Variants in USH2A observed in about 807,000 individuals in gnomAD.
The protein encoded by USH2A is usherin, also known as Usher syndrome 2A (autosomal recessive, mild).
In USH2A, 443 loss-of-function variants were observed where a neutral mutation model predicts 538.9. The ratio of observed to expected loss-of-function variants is 0.82; its 90% CI spans 0.76 to 0.89. The LOEUF (loss-of-function observed/expected upper bound fraction) is 0.89, where lower values mean the gene tolerates loss of function less well. USH2A is among the 40% of genes least tolerant of loss of function. The probability of loss-of-function intolerance (pLI) is 0.00; values close to 1 mark genes in which losing one functional copy is unlikely to be tolerated. For missense variants in USH2A, 6,633 were observed against 6,324.8 expected (o/e 1.05, Z -1.65); for synonymous variants, 2,413 against 2,273.5 (o/e 1.06, Z -1.75).
chr1:216,362,887 C>T (rs751930249), intron 4 of USH2A, among the ~76,000 whole-genome samples: 7 of 150,544 alleles, frequency 4.6e-5, no homozygotes, highest in Non-Finnish European at 8.9e-5. Context: ...TGCAGAGAGC[C>T]GAGATTGCAC....
intron 70 of USH2A, among the ~76,000 whole-genome samples, chr1:215,632,624 C>CCTAG (rs893479047): frequency 6.6e-6 from 1 of 152,064 alleles, no homozygotes; most frequent in Non-Finnish European, 1.5e-5. Context: ...AGTAGATGTG[C>CCTAG]CTAGCAGTGC....
At chr1:215,937,667 G>A (rs1666539660) in intron 37 of USH2A, among the ~76,000 whole-genome samples, 1 of 152,060 alleles carries the variant, frequency 6.6e-6, no homozygotes, top group Non-Finnish European at 1.5e-5. Context: ...TTTCAAAAAG[G>A]TCAGCTTGTC....
chr1:216,323,542 A>G lies in USH2A; in HGVS notation c.1482T>C (p.Tyr494=), dbSNP rs1015357632. 15 of 1,613,380 alleles carry G rather than the reference A, an allele frequency of 9.3e-6. No individual in the cohort carries two copies. In the Admixed American group the frequency reaches 1.2e-4, roughly 13 times the overall value. Residue 494 remains tyrosine (Y), a synonymous_variant, in exon 8 of 72, where the codon TAT becomes TAC. Transcript: ENST00000307340. ...TGAGGTTAACAGCAGTCTCAGTTGT[A>G]TAGTACTGCCCATGAAAATGAAACC... ...QIRFHFHGQY[Y]TTETAVNLRH...
At chr1:216,206,029 T>C (rs1382010940) in intron 16 of USH2A, among the ~76,000 whole-genome samples, 1 of 152,206 alleles carries the variant, frequency 6.6e-6, no homozygotes, top group African/African-American at 2.4e-5. Context: ...TTTATGTTGC[T>C]GTGTTCTATC....
intron 44 of USH2A, among the ~76,000 whole-genome samples, chr1:215,859,768 G>A (rs1295062489): frequency 1.3e-5 from 2 of 152,058 alleles, no homozygotes; most frequent in Admixed American, 1.3e-4. Context: ...CATAACAGAC[G>A]GGCTAGTTAA....
chr1:216,131,097 T>G lies in USH2A; in HGVS notation c.4628-33884A>C, dbSNP rs144346582. On this transcript the variant is annotated intron_variant, in intron 21 of 71. Transcript: ENST00000307340. Reference sequence around the variant, plus strand: ...TGTTTTTAATATGTCTGTTGGCCACTGTATATCCTCTTTTGAGATCTGTCT... The same window carrying G: ...TGTTTTTAATATGTCTGTTGGCCACGGTATATCCTCTTTTGAGATCTGTCT... Among the ~76,000 whole-genome samples, 18 of 152,250 alleles carry G rather than the reference T, an allele frequency of 1.2e-4. No homozygotes were observed. The East Asian group carries it at 3.1e-3, about 26-fold the overall frequency.
intron 64 of USH2A, among the ~76,000 whole-genome samples, chr1:215,661,096 A>AG (rs1249258409): frequency 1.3e-5 from 2 of 152,240 alleles, no homozygotes; most frequent in African/African-American, 4.8e-5. Context: ...AAAGCTGGCC[A>AG]GGTGATCCTC....
intron 11 of USH2A, among the ~76,000 whole-genome samples, chr1:216,267,122 G>T (rs537619477): frequency 1.3e-5 from 2 of 152,142 alleles, no homozygotes; most frequent in African/African-American, 4.8e-5. Flanking sequence ...AAAGGTAAGA[G>T]GAGGGCACAG....
intron 55 of USH2A, among the ~76,000 whole-genome samples, chr1:215,774,464 TAAATATAACAACAA>T (rs1333675963): frequency 6.6e-6 from 1 of 151,812 alleles, no homozygotes; most frequent in African/African-American, 2.4e-5. Context: ...ATATCTGGAA[TAAATATAACAACAA>T]AAATATAATA....
At chr1:216,226,392 C>G (rs942967758) in intron 14 of USH2A, among the ~76,000 whole-genome samples, 1 of 152,142 alleles carries the variant, frequency 6.6e-6, no homozygotes, top group Non-Finnish European at 1.5e-5. Flanking sequence ...CAGACATTTT[C>G]AAGAACATAC....
At position 215,640,859 on chromosome 1, in the gene USH2A, A is replaced by AG. The variant is rs1553249502; in HGVS notation, c.14792-126_14792-125insC. 241 of 1,073,572 alleles carry AG rather than the reference A, an allele frequency of 2.2e-4. No individual in the cohort carries two copies. The African/African-American group carries it at 3.6e-3, about 16-fold the overall frequency. 66.5% of individuals were successfully genotyped at this position (1,073,572 alleles called of 1,614,324 possible). On this transcript the variant is annotated intron_variant, in intron 67 of 71. Transcript: ENST00000307340. ...CCAATCCAAACAAAAAAAAAAAAAA[A>AG]AAAGAAAACCAACATTGCTAGAATC...
At chr1:216,327,065 A>G (rs2037748667) in intron 5 of USH2A, among the ~76,000 whole-genome samples, 2 of 152,192 alleles carry the variant, frequency 1.3e-5, no homozygotes, top group South Asian at 2.1e-4. Context: ...GCCTGAGTCT[A>G]TATAATTATT....
At chr1:216,059,743 T>C (rs746598498) in intron 30 of USH2A, among the ~76,000 whole-genome samples, 1 of 152,286 alleles carries the variant, frequency 6.6e-6, no homozygotes, top group Non-Finnish European at 1.5e-5. Flanking sequence ...TAATTGAGAA[T>C]TGGGTTTTGT....
intron 61 of USH2A, among the ~76,000 whole-genome samples, chr1:215,694,930 G>A (rs1472898286): frequency 6.6e-6 from 1 of 152,184 alleles, no homozygotes; most frequent in African/African-American, 2.4e-5. Context: ...TAAAACTTTA[G>A]CAGTCTTCCT....
chr1:215,753,774 C>T (rs1660697978), intron 58 of USH2A, among the ~76,000 whole-genome samples: 1 of 152,042 alleles, frequency 6.6e-6, no homozygotes. Context: ...AACAAACCTG[C>T]ACGTTGTGCA....
chr1:215,987,375 T>C (rs576126876), intron 35 of USH2A, among the ~76,000 whole-genome samples: 1 of 152,322 alleles, frequency 6.6e-6, no homozygotes, highest in South Asian at 2.1e-4. Flanking sequence ...GTCAAGGTCC[T>C]ACATAATAAG....
chr1:215,912,635 C>T (rs34849903), intron 38 of USH2A, among the ~76,000 whole-genome samples: 6,128 of 151,454 alleles, frequency 0.04, 134 homozygotes, highest in Middle Eastern at 0.068. Flanking sequence ...CTTTGAGTTA[C>T]GAACATTTCA....
intron 70 of USH2A, among the ~76,000 whole-genome samples, chr1:215,630,478 GTGTGTATATA>G (rs1213945926): frequency 2.0e-4 from 7 of 35,170 alleles, no homozygotes; most frequent in East Asian, 6.7e-4. Context: ...GTGTATGTGT[GTGTGTATATA>G]TATATATATA....
chr1:215,934,701 A>G lies in USH2A; in HGVS notation c.7215T>C (p.Phe2405=). 1 of 1,612,850 alleles carries G rather than the reference A, an allele frequency of 6.2e-7. No homozygotes were observed. The highest frequency in any genetic ancestry group is 2.2e-5 in the East Asian group (1 of 44,818). Residue 2405 remains phenylalanine (F), a synonymous_variant, in exon 38 of 72, where the codon TTT becomes TTC. Coordinates refer to ENST00000307340, the MANE Select transcript of USH2A (RefSeq NM_206933.4). ...TATTCACTTGTACAGTATAGTTGGT[A>G]AAAGGAACCAGCCCATCGATGAGCA... ...LWVLIDGLVP[F]TNYTVQVNIS... is the part of the protein sequence containing the mutation.
Sources: gnomAD v4.1 joint callset for allele counts (sites outside exome capture counted in the v4.1 genomes callset) on GRCh38, gnomAD v4.1.1 for gene constraint, MANE v1.5 for transcripts, NCBI Gene and HGNC (gene_info 2026-07-23, HGNC 2026-07-21) for gene names.